Variants in HIRA observed in about 807,000 individuals in gnomAD.
HIRA encodes histone cell cycle regulator, also known as protein HIRA.
Under a neutral mutation model 126.6 loss-of-function variants are expected in HIRA, and 13 were observed. The ratio of observed to expected loss-of-function variants is 0.10; its 90% CI spans 0.07 to 0.16. The LOEUF (loss-of-function observed/expected upper bound fraction) is 0.16. Among genes scored for constraint, HIRA ranks in the 10% least tolerant of loss-of-function variants. HIRA has a pLI of 1.00. For missense variants in HIRA, 834 were observed against 1,314.4 expected, an observed-to-expected ratio of 0.63 and a Z score of 5.65; for synonymous variants, 511 against 520.0, an observed-to-expected ratio of 0.98 and a Z score of 0.24.
intron 23 of HIRA, 36 bp downstream of exon 23, chr22:19,353,317 CAGA>C (rs1282176812): frequency 6.2e-7 from 1 of 1,610,322 alleles, no homozygotes; most frequent in African/African-American, 1.3e-5. Context: ...GATGGAGGGG[CAGA>C]AGGAGAAGGC....
chr22:19,412,122 G>A (rs144859763), intron 1 of HIRA, among the ~76,000 whole-genome samples: 1 of 152,340 alleles, frequency 6.6e-6, no homozygotes, highest in East Asian at 1.9e-4. Flanking sequence ...AGTTCCAGGT[G>A]TAGGCCTTAA....
At chr22:19,413,769 G>A (rs753361299) in intron 1 of HIRA, among the ~76,000 whole-genome samples, 15 of 152,002 alleles carry the variant, frequency 9.9e-5, no homozygotes, top group Non-Finnish European at 1.0e-4. Context: ...CTGCTACCAC[G>A]CCCAGCTAAT....
intron 1 of HIRA, 101 bp downstream of exon 1, chr22:19,431,339 C>T: frequency 3.8e-6 from 5 of 1,312,350 alleles, no homozygotes; most frequent in African/African-American, 1.5e-5. Flanking sequence ...GGGTACCGGG[C>T]GTCAGGGGCG....
At chr22:19,406,880 T>C (rs1274358046) in intron 4 of HIRA, among the ~76,000 whole-genome samples, 1 of 152,220 alleles carries the variant, frequency 6.6e-6, no homozygotes, top group East Asian at 1.9e-4. Flanking sequence ...ATTTTGTATA[T>C]TGGGCTTCCA....
rs1247177588 is a variant in HIRA at position 19,423,498 on chromosome 22, C to CACACAG, written c.37+7941_37+7942insCTGTGT. Among the ~76,000 whole-genome samples, 40 of 111,482 alleles carry CACACAG rather than the reference C, an allele frequency of 3.6e-4. 2 individuals are homozygous for CACACAG. The highest frequency in any genetic ancestry group is 1.3e-3 in the African/African-American group (37 of 28,998). The allele number at this position is 111,482 out of a possible 152,430, so 73.1% of individuals were successfully genotyped here. A position where few individuals can be genotyped will look rare whatever the true frequency, so the allele number is the denominator to read the frequency against. ...ACACATGCATACACACACACACACA[C>CACACAG]ACACACACACACACACACACACACA... is the stretch of plus-strand genomic sequence containing the variant. On this transcript the variant is annotated intron_variant, in intron 1 of 24. Transcript: ENST00000263208.
intron 1 of HIRA, among the ~76,000 whole-genome samples, chr22:19,427,084 C>T (rs1363527423): frequency 2.0e-5 from 3 of 152,288 alleles, no homozygotes; most frequent in East Asian, 3.9e-4. Context: ...TTATTCAGAG[C>T]GGGGTTTCTC....
chr22:19,420,952 AACAATAACC>A (rs1484717732), intron 1 of HIRA, among the ~76,000 whole-genome samples: 2 of 152,230 alleles, frequency 1.3e-5, no homozygotes, highest in Non-Finnish European at 2.9e-5. Flanking sequence ...CTGCTAGCTC[AACAATAACC>A]ACAATTAAGA....
intron 1 of HIRA, among the ~76,000 whole-genome samples, chr22:19,413,858 C>T (rs779815810): frequency 2.8e-4 from 43 of 152,050 alleles, no homozygotes; most frequent in Non-Finnish European, 5.4e-4. Context: ...GATCCGACCA[C>T]CTCAGCCTCC....
intron 24 of HIRA, among the ~76,000 whole-genome samples, chr22:19,341,394 A>G (rs1405552515): frequency 6.7e-6 from 1 of 149,300 alleles, no homozygotes; most frequent in African/African-American, 2.5e-5. Flanking sequence ...GTTTGCCATG[A>G]GCCGAGATTG....
Position 19,388,528 on chromosome 22 carries a change from C to T in HIRA, c.963G>A (p.Val321=), listed in dbSNP as rs770977804. Residue 321 remains valine, a synonymous_variant, in exon 10 of 25, where the codon GTG becomes GTA. Coordinates refer to ENST00000263208, the MANE Select transcript of HIRA (RefSeq NM_003325.4). ...VWLTCLKRPL[V]VIHELFDKSI... ...ATTTGTCAAACAGTTCATGGATGACCACCAGCGGCCGTTTCAGACATGTGA... is the reference window on the plus strand; with the variant it reads ...ATTTGTCAAACAGTTCATGGATGACTACCAGCGGCCGTTTCAGACATGTGA... 2.5e-6 allele frequency: 4 copies of T among 1,613,656 alleles called. No homozygotes were observed. Among genetic ancestry groups the T allele is most frequent in the African/African-American group, 1.3e-5 (1 of 74,922 alleles).
At chr22:19,388,606 G>A in intron 9 of HIRA, 52 bp from the exon 10 acceptor site, 1 of 1,458,288 alleles carries the variant, frequency 6.9e-7, no homozygotes, top group Non-Finnish European at 9.6e-7. Flanking sequence ...ATCCCCTTCT[G>A]TATTCAGCTC....
At chr22:19,403,216 A>T (rs1378569415) in intron 5 of HIRA, among the ~76,000 whole-genome samples, 1 of 152,190 alleles carries the variant, frequency 6.6e-6, no homozygotes, top group African/African-American at 2.4e-5. Context: ...TAAAACACCT[A>T]AGATGACTGT....
chr22:19,336,144 C>T (rs1286075008), intron 24 of HIRA, among the ~76,000 whole-genome samples: 2 of 152,138 alleles, frequency 1.3e-5, no homozygotes, highest in African/African-American at 2.4e-5. Flanking sequence ...ACTACACGCA[C>T]AATTGCTGGC....
At chr22:19,382,454 A>G (rs2146215121) in intron 13 of HIRA, among the ~76,000 whole-genome samples, 1 of 152,360 alleles carries the variant, frequency 6.6e-6, no homozygotes, top group South Asian at 2.1e-4. Context: ...AGACTTAGTC[A>G]AAAGAAAATG....
intron 15 of HIRA, among the ~76,000 whole-genome samples, chr22:19,364,323 G>A (rs2088893015): frequency 6.6e-6 from 1 of 152,184 alleles, no homozygotes; most frequent in African/African-American, 2.4e-5. Flanking sequence ...AATTCTTCAA[G>A]AAGACAGAAC....
chr22:19,348,708 G>A (rs998257713), intron 24 of HIRA, among the ~76,000 whole-genome samples: 38 of 152,154 alleles, frequency 2.5e-4, no homozygotes, highest in African/African-American at 8.9e-4. Flanking sequence ...AGTTGGCCAG[G>A]CTGGTCTCAA....
intron 16 of HIRA, 84 bp downstream of exon 16, chr22:19,361,643 G>A: frequency 1.4e-6 from 2 of 1,400,302 alleles, no homozygotes; most frequent in South Asian, 1.2e-5. Flanking sequence ...CCACCCAGCT[G>A]AGGCTTACCA....
chr22:19,417,342 G>A (rs1311767723), intron 1 of HIRA, among the ~76,000 whole-genome samples: 1 of 152,042 alleles, frequency 6.6e-6, no homozygotes, highest in East Asian at 1.9e-4. Context: ...GGCTACTAAC[G>A]GCTGGGTGCG....
chr22:19,423,046 T>G (rs1430770645), intron 1 of HIRA, among the ~76,000 whole-genome samples: 4 of 152,308 alleles, frequency 2.6e-5, no homozygotes, highest in Admixed American at 2.6e-4. Flanking sequence ...CTCTGTCTGG[T>G]GCTGCTTCCT....
Sources: gnomAD v4.1 joint callset for allele counts (sites outside exome capture counted in the v4.1 genomes callset) on GRCh38, gnomAD v4.1.1 for gene constraint, MANE v1.5 for transcripts, NCBI Gene and HGNC (gene_info 2026-07-23, HGNC 2026-07-21) for gene names.